TNS3: variants seen among roughly 807,000 people sequenced by gnomAD.
The protein encoded by TNS3 is tensin 3.
A neutral mutation model predicts 140.9 loss-of-function variants in TNS3; 45 were observed. The ratio of observed to expected loss-of-function variants is 0.32; its 90% CI spans 0.25 to 0.41. The LOEUF (loss-of-function observed/expected upper bound fraction) is 0.41. TNS3 is among the 10% of genes least tolerant of loss of function. The pLI is 1.00. For synonymous variants in TNS3, 815 were observed against 788.4 expected, an observed-to-expected ratio of 1.03 and a Z score of -0.56; for missense variants, 1,716 against 1,906.7, an observed-to-expected ratio of 0.90 and a Z score of 1.86.
At chr7:47,283,670 G>A (rs750009758) in intron 28 of TNS3, 27 bp downstream of exon 28, 19 of 1,512,162 alleles carry the variant, frequency 1.3e-5, no homozygotes, top group African/African-American at 4.2e-5. Context: ...CCTGCTGGAC[G>A]GCTCCTGCCT....
intron 15 of TNS3, among the ~76,000 whole-genome samples, chr7:47,399,807 G>A (rs1290664638): frequency 6.6e-6 from 1 of 152,048 alleles, no homozygotes; most frequent in Non-Finnish European, 1.5e-5. Context: ...AAATGCAACA[G>A]AACAAAAATA....
At chr7:47,489,215 A>G (rs1479022528) in intron 3 of TNS3, among the ~76,000 whole-genome samples, 1 of 152,226 alleles carries the variant, frequency 6.6e-6, no homozygotes, top group East Asian at 1.9e-4. Flanking sequence ...GAACCGGGAC[A>G]GGAGCGGAAG....
chr7:47,296,829 C>T (rs1448840733), intron 24 of TNS3, among the ~76,000 whole-genome samples: 1 of 152,086 alleles, frequency 6.6e-6, no homozygotes, highest in Non-Finnish European at 1.5e-5. Context: ...TAGTGGATGC[C>T]TTATCCCATG....
At chr7:47,377,069 G>T (rs926507573) in intron 16 of TNS3, among the ~76,000 whole-genome samples, 1 of 152,190 alleles carries the variant, frequency 6.6e-6, no homozygotes, top group Non-Finnish European at 1.5e-5. Context: ...GGAACAGGTA[G>T]CTTCTCCAGA....
chr7:47,324,774 A>T (rs913856745), intron 20 of TNS3, among the ~76,000 whole-genome samples: 1 of 152,224 alleles, frequency 6.6e-6, no homozygotes, highest in African/African-American at 2.4e-5. Context: ...AATATTTTTT[A>T]AAAGTCTCTT....
At chr7:47,416,643 C>T (rs1278569766) in intron 10 of TNS3, among the ~76,000 whole-genome samples, 3 of 152,170 alleles carry the variant, frequency 2.0e-5, no homozygotes, top group Admixed American at 1.3e-4. Flanking sequence ...CCCTGTGAGG[C>T]TGATGACCAG....
chr7:47,529,109 G>A lies in TNS3; in HGVS notation c.-226C>T. ...ACACTTTGGATTTTTTAAAGGCCTT[G>A]TTCTTAAAAGCGTGCAGACTCGAGG... On this transcript the variant is annotated 5_prime_UTR_variant, in exon 2 of 31. Transcript: ENST00000311160. The A allele has an allele frequency of 7.8e-7, 1 of 1,288,566 alleles. No homozygotes were observed. The highest frequency in any genetic ancestry group is 1.5e-5 in the African/African-American group (1 of 65,930). The allele number at this position is 1,288,566 out of a possible 1,614,324, so 79.8% of individuals were successfully genotyped here.
intron 1 of TNS3, among the ~76,000 whole-genome samples, chr7:47,561,456 CT>C (rs1281862863): frequency 3.3e-5 from 5 of 152,154 alleles, no homozygotes; most frequent in African/African-American, 1.2e-4. Flanking sequence ...TGTTCATTAT[CT>C]GTTTTTCTTA....
At chr7:47,319,850 G>A (rs1352780745) in intron 20 of TNS3, among the ~76,000 whole-genome samples, 2 of 152,174 alleles carry the variant, frequency 1.3e-5, no homozygotes, top group Non-Finnish European at 2.9e-5. Context: ...CTGGAAGACT[G>A]CTGCTTTTGA....
chr7:47,328,692 T>C (rs1788166395), intron 20 of TNS3, among the ~76,000 whole-genome samples: 2 of 152,228 alleles, frequency 1.3e-5, no homozygotes, highest in South Asian at 2.1e-4. Context: ...CTGCCTCTCA[T>C]CTGGCCTGGC....
intron 17 of TNS3, among the ~76,000 whole-genome samples, chr7:47,362,932 A>G (rs1790435964): frequency 8.5e-5 from 3 of 35,136 alleles, no homozygotes; most frequent in Non-Finnish European, 1.8e-4. Context: ...CACCATTAAC[A>G]TCATCACCAC....
intron 16 of TNS3, among the ~76,000 whole-genome samples, chr7:47,369,866 A>C (rs1242696621): frequency 6.6e-6 from 1 of 152,224 alleles, no homozygotes; most frequent in Admixed American, 6.5e-5. Flanking sequence ...CATGCAAAAC[A>C]AATTGTCATT....
intron 3 of TNS3, among the ~76,000 whole-genome samples, chr7:47,498,722 G>A (rs182308485): frequency 2.6e-5 from 4 of 152,310 alleles, no homozygotes; most frequent in Non-Finnish European, 4.4e-5. Context: ...ATCACAGGGC[G>A]AGAACTTCAC....
At chr7:47,530,641 C>T (rs1200527633) in intron 1 of TNS3, among the ~76,000 whole-genome samples, 12 of 150,542 alleles carry the variant, frequency 8.0e-5, no homozygotes, top group African/African-American at 1.7e-4. Context: ...CTGGCCAACA[C>T]GGTGAAACCC....
At chr7:47,545,420 G>A (rs1437985491) in intron 1 of TNS3, among the ~76,000 whole-genome samples, 3 of 151,940 alleles carry the variant, frequency 2.0e-5, no homozygotes, top group Non-Finnish European at 2.9e-5. Flanking sequence ...AAAGGGGAGG[G>A]CTTTCTACAC....
intron 1 of TNS3, among the ~76,000 whole-genome samples, chr7:47,578,787 G>A (rs895083939): frequency 4.6e-5 from 7 of 152,182 alleles, no homozygotes; most frequent in Admixed American, 2.6e-4. Context: ...CTGCTTTTAC[G>A]AGAAACGGAT....
At chr7:47,431,765 A>T (rs1041200116) in intron 8 of TNS3, among the ~76,000 whole-genome samples, 3 of 152,218 alleles carry the variant, frequency 2.0e-5, no homozygotes, top group Non-Finnish European at 4.4e-5. Context: ...TTTTCTGAAG[A>T]CTAACAAAAT....
intron 4 of TNS3, among the ~76,000 whole-genome samples, chr7:47,457,157 A>G (rs1298662200): frequency 7.9e-4 from 4 of 5,088 alleles, no homozygotes; most frequent in Non-Finnish European, 1.2e-3. Flanking sequence ...AGGGGAGGGG[A>G]AGAGAGGGGA....
chr7:47,540,630 G>T (rs116855921), intron 1 of TNS3, among the ~76,000 whole-genome samples: 219 of 152,308 alleles, frequency 1.4e-3, no homozygotes, highest in Non-Finnish European at 2.7e-3. Context: ...CGATCTACAC[G>T]CAGTGTTAGG....
Sources: allele counts gnomAD v4.1 joint callset (sites outside exome capture counted in the v4.1 genomes callset), GRCh38; gene constraint gnomAD v4.1.1; transcripts MANE v1.5; gene names NCBI Gene and HGNC (gene_info 2026-07-23, HGNC 2026-07-21).